The following STAT5B variants were observed in gnomAD, a reference collection of about 807,000 sequenced individuals.
The protein encoded by STAT5B is signal transducer and activator of transcription 5B.
A neutral mutation model predicts 107.8 loss-of-function variants in STAT5B; 21 were observed. That is an observed-to-expected ratio of 0.19 (90% CI 0.14 to 0.28). The LOEUF (loss-of-function observed/expected upper bound fraction) is 0.28. STAT5B is among the 10% of genes least tolerant of loss of function. STAT5B has a pLI of 1.00. For missense variants in STAT5B, 565 were observed against 1,008.2 expected, an observed-to-expected ratio of 0.56 and a Z score of 5.95; for synonymous variants, 325 against 401.7, an observed-to-expected ratio of 0.81 and a Z score of 2.28.
At chr17:42,274,739 C>T (rs1188683877) in intron 1 of STAT5B, among the ~76,000 whole-genome samples, 2 of 152,104 alleles carry the variant, frequency 1.3e-5, no homozygotes, top group Non-Finnish European at 1.5e-5. Flanking sequence ...GAACATAACG[C>T]AATATAACAT....
chr17:42,201,032 T>A lies in STAT5B; in HGVS notation c.*706A>T. On this transcript the variant is annotated 3_prime_UTR_variant, in exon 19 of 19. Transcript: ENST00000293328. ...GAGGAACTGAGTGGCAATTCCAGGG[T>A]GCGGGCGGGCAGGAGGGGAGAGAGG... The A allele has an allele frequency of 2.5e-6, 1 of 401,676 alleles. No individual in the cohort carries two copies. Among genetic ancestry groups the A allele is most frequent in the Non-Finnish European group, 4.4e-6 (1 of 228,024 alleles). The allele number at this position is 401,676 out of a possible 1,614,324, so 24.9% of individuals were successfully genotyped here. A position where few individuals can be genotyped will look rare whatever the true frequency, so the allele number is the denominator to read the frequency against.
chr17:42,212,309 T>C (rs1430202220), intron 12 of STAT5B, 119 bp from the exon 13 acceptor site: 2 of 1,516,066 alleles, frequency 1.3e-6, no homozygotes, highest in East Asian at 2.4e-5. Flanking sequence ...TTGCAGGGCC[T>C]GAGGATAAAT....
At position 42,258,240 on chromosome 17, in the gene STAT5B, C is replaced by T. The variant is rs796253970; in HGVS notation, c.-11+18008G>A. On this transcript the variant is annotated intron_variant, in intron 1 of 18. Transcript: ENST00000293328. ...TAGTAAAATAAAGGGGTTCCTAAAG[C>T]CCACCCATTAGTAAAAGTTATTGAA... Among the ~76,000 whole-genome samples, 3 of 152,144 alleles carry T rather than the reference C, an allele frequency of 2.0e-5. No individual in the cohort carries two copies. In the South Asian group the frequency reaches 6.2e-4, roughly 32 times the overall value.
chr17:42,202,667 C>T (rs951056037), intron 17 of STAT5B, 90 bp downstream of exon 17: 125 of 1,603,526 alleles, frequency 7.8e-5, no homozygotes, highest in Non-Finnish European at 1.0e-4. Flanking sequence ...CCCGGGGGAG[C>T]GGAAAGCTGG....
intron 5 of STAT5B, among the ~76,000 whole-genome samples, chr17:42,220,437 C>T (rs1046684911): frequency 6.6e-6 from 1 of 152,172 alleles, no homozygotes; most frequent in African/African-American, 2.4e-5. Flanking sequence ...AGCAGCTGCT[C>T]GGCCCCATCC....
At chr17:42,204,619 T>C (rs1249140970) in intron 16 of STAT5B, among the ~76,000 whole-genome samples, 11 of 152,186 alleles carry the variant, frequency 7.2e-5, no homozygotes, top group Admixed American at 7.2e-4. Flanking sequence ...AGAAATAGGA[T>C]TTTATTTTTT....
intron 12 of STAT5B, among the ~76,000 whole-genome samples, chr17:42,215,621 CT>C (rs767262431): frequency 2.0e-5 from 3 of 151,096 alleles, no homozygotes; most frequent in Non-Finnish European, 3.0e-5. Context: ...TTTTCCTATG[CT>C]TTTTTTTTAT....
At chr17:42,277,551 A>G (rs1047387247), upstream of STAT5B, among the ~76,000 whole-genome samples, 1 of 152,066 alleles carries the variant, frequency 6.6e-6, no homozygotes, top group Non-Finnish European at 1.5e-5. Context: ...CTGCAGTCCC[A>G]TACTCTGGGC....
In STAT5B at chr17:42,210,427, TG is replaced by T; in HGVS notation, c.1750del (p.His584IlefsTer15). On this transcript the variant is annotated frameshift_variant, in exon 14 of 19. Coordinates refer to ENST00000293328, the MANE Select transcript of STAT5B (RefSeq NM_012448.4). LOFTEE classifies it high-confidence loss of function. ...CCCATCATTCCAATGAGGCTTGAGA[TG>T]TTTTTTTAACACTTCCATCACACCG... The part of the protein sequence containing the change: ...FDGVMEVLKK[H>X]LKPHWNDGAI... The T allele has an allele frequency of 6.2e-7, 1 of 1,614,194 alleles. No homozygotes were observed. The highest frequency in any genetic ancestry group is 8.5e-7 in the Non-Finnish European group (1 of 1,180,050).
At chr17:42,206,141 G>C in intron 16 of STAT5B, among the ~76,000 whole-genome samples, 1 of 152,100 alleles carries the variant, frequency 6.6e-6, no homozygotes, top group Non-Finnish European at 1.5e-5. Context: ...TCGGCTCACT[G>C]CAACTTCTGC....
Position 42,200,004 on chromosome 17 carries a change from A to C in STAT5B, c.*1734T>G, listed in dbSNP as rs1272927630. The C allele has an allele frequency of 6.6e-6, 1 of 152,546 alleles. No individual in the cohort carries two copies. The highest frequency in any genetic ancestry group is 2.4e-5 in the African/African-American group (1 of 41,400). 9.4% of individuals were successfully genotyped at this position (152,546 alleles called of 1,614,324 possible). A position where few individuals can be genotyped will look rare whatever the true frequency, so the allele number is the denominator to read the frequency against. ...CATCCTCATGGTTGGAATTTTCATC[A>C]AATCTTGAGGGGTAGGGAGGGGCTG... is the stretch of plus-strand genomic sequence containing the variant. On this transcript the variant is annotated 3_prime_UTR_variant, in exon 19 of 19. Coordinates refer to ENST00000293328, the MANE Select transcript of STAT5B (RefSeq NM_012448.4).
intron 1 of STAT5B, among the ~76,000 whole-genome samples, chr17:42,262,932 ATG>A (rs1222722164): frequency 1.9e-4 from 13 of 66,818 alleles, no homozygotes; most frequent in African/African-American, 4.6e-4. Context: ...GTATATATAT[ATG>A]TATATATATG....
At chr17:42,274,296 A>C (rs1295493282) in intron 1 of STAT5B, among the ~76,000 whole-genome samples, 1 of 151,316 alleles carries the variant, frequency 6.6e-6, no homozygotes, top group Non-Finnish European at 1.5e-5. Flanking sequence ...AAAAAAAAAA[A>C]AAAAAAAAAA....
intron 1 of STAT5B, among the ~76,000 whole-genome samples, chr17:42,237,180 T>A (rs2080363764): frequency 6.6e-6 from 1 of 152,198 alleles, no homozygotes. Flanking sequence ...TACCTCAACC[T>A]TATATATCTG....
intron 1 of STAT5B, 100 bp from the exon 2 acceptor site, chr17:42,232,237 A>G: frequency 9.8e-6 from 12 of 1,224,286 alleles, no homozygotes; most frequent in Non-Finnish European, 1.1e-5. Flanking sequence ...AAATGTTTTT[A>G]TTTTATTATT....
At chr17:42,222,775 G>C (rs779784841) in intron 5 of STAT5B, among the ~76,000 whole-genome samples, 1 of 148,148 alleles carries the variant, frequency 6.8e-6, no homozygotes, top group African/African-American at 2.5e-5. Flanking sequence ...TCCGCCTCCC[G>C]GGTTCAAGAG....
At chr17:42,232,917 C>T (rs576569347) in intron 1 of STAT5B, among the ~76,000 whole-genome samples, 1 of 150,570 alleles carries the variant, frequency 6.6e-6, no homozygotes, top group East Asian at 2.0e-4. Flanking sequence ...TCTCGGCTCA[C>T]TGCAACCTCT....
intron 1 of STAT5B, among the ~76,000 whole-genome samples, chr17:42,236,386 A>C (rs1187534638): frequency 6.6e-6 from 1 of 152,238 alleles, no homozygotes; most frequent in Non-Finnish European, 1.5e-5. Flanking sequence ...AGTTTAGGAA[A>C]AAACCAACTG....
At chr17:42,260,650 G>A (rs1469018491) in intron 1 of STAT5B, among the ~76,000 whole-genome samples, 1 of 152,038 alleles carries the variant, frequency 6.6e-6, no homozygotes, top group Non-Finnish European at 1.5e-5. Flanking sequence ...GGACTCAAGT[G>A]ATCCTCCTGC....
Sources: allele counts gnomAD v4.1 joint callset (sites outside exome capture counted in the v4.1 genomes callset), GRCh38; gene constraint gnomAD v4.1.1; transcripts MANE v1.5; gene names NCBI Gene and HGNC (gene_info 2026-07-23, HGNC 2026-07-21).